Variants in VWA5A observed in about 807,000 individuals in gnomAD.
The protein encoded by VWA5A is von Willebrand factor A domain containing 5A.
Under a neutral mutation model 84.6 loss-of-function variants are expected in VWA5A, and 77 were observed. That is an observed-to-expected ratio of 0.91 (90% CI 0.76 to 1.10). VWA5A has a LOEUF of 1.10. VWA5A is among the 50% of genes least tolerant of loss of function. The pLI is 0.00. For missense variants in VWA5A, 973 were observed against 963.0 expected, an observed-to-expected ratio of 1.01 and a Z score of -0.14; for synonymous variants, 334 against 350.1, an observed-to-expected ratio of 0.95 and a Z score of 0.51.
Position 124,123,801 on chromosome 11 carries a change from A to T in VWA5A, c.1161A>T (p.Leu387=), listed in dbSNP as rs537674241. The change falls in exon 10 of 19, where the codon CTA becomes CTT. Residue 387 remains leucine (L), a synonymous_variant. Transcript: ENST00000456829. ...GACCCTCCATCCCAGGCCACCCCCTACAGGTAAGAAGTGGAACAGAGCTAA... is the reference window on the plus strand; with the variant it reads ...GACCCTCCATCCCAGGCCACCCCCTTCAGGTAAGAAGTGGAACAGAGCTAA... ...YRGPSIPGHP[L]QLFVFTDGEV... is the part of the protein sequence containing the mutation. 1 of 1,569,062 alleles carries T rather than the reference A, an allele frequency of 6.4e-7. No homozygotes were observed. The highest frequency in any genetic ancestry group is 2.2e-5 in the East Asian group (1 of 44,774).
chr11:124,146,041 T>G lies in VWA5A; in HGVS notation c.*96T>G. The G allele has an allele frequency of 7.7e-7, 1 of 1,294,470 alleles. No individual in the cohort carries two copies. Among genetic ancestry groups the G allele is most frequent in the South Asian group, 1.4e-5 (1 of 70,000 alleles). 80.2% of individuals were successfully genotyped at this position (1,294,470 alleles called of 1,614,324 possible). ...ATGATGTGTTCTTGTGTATTATAAC[T>G]CTTTATTTTTTGCCATAAAAGTAAA... On this transcript the variant is annotated 3_prime_UTR_variant, in exon 19 of 19. Transcript: ENST00000456829.
chr11:124,117,628 C>CA (rs1240268770), intron 3 of VWA5A, 45 bp from the exon 4 acceptor site: 1 of 1,613,990 alleles, frequency 6.2e-7, no homozygotes, highest in Non-Finnish European at 8.5e-7. Context: ...TACAAGGAGG[C>CA]AATCTATTGA....
intron 3 of VWA5A, 43 bp from the exon 4 acceptor site, chr11:124,117,630 A>AT: frequency 1.2e-6 from 2 of 1,614,124 alleles, no homozygotes; most frequent in East Asian, 4.5e-5. Flanking sequence ...CAAGGAGGCA[A>AT]TCTATTGAAG....
At chr11:124,137,772 C>G (rs1474642203) in intron 15 of VWA5A, among the ~76,000 whole-genome samples, 2 of 152,212 alleles carry the variant, frequency 1.3e-5, no homozygotes, top group African/African-American at 4.8e-5. Flanking sequence ...CCTCCACTCC[C>G]CTCTCCACCA....
intron 10 of VWA5A, among the ~76,000 whole-genome samples, chr11:124,124,014 A>G (rs1389808134): frequency 6.6e-6 from 1 of 152,152 alleles, no homozygotes; most frequent in African/African-American, 2.4e-5. Flanking sequence ...GAGTGCCACA[A>G]TAACTGAGAT....
chr11:124,130,690 A>T (rs556907354), intron 11 of VWA5A, among the ~76,000 whole-genome samples: 1 of 152,292 alleles, frequency 6.6e-6, no homozygotes, highest in African/African-American at 2.4e-5. Context: ...TATTTAGGAT[A>T]GTTAGCTCTT....
intron 15 of VWA5A, 32 bp downstream of exon 15, chr11:124,137,300 A>T: frequency 1.9e-6 from 3 of 1,594,916 alleles, no homozygotes; most frequent in African/African-American, 1.4e-5. Context: ...AAACTCATAT[A>T]GAATAAAAGA....
At chr11:124,120,341 G>A (rs2137629717) in intron 7 of VWA5A, among the ~76,000 whole-genome samples, 1 of 152,296 alleles carries the variant, frequency 6.6e-6, no homozygotes, top group Non-Finnish European at 1.5e-5. Flanking sequence ...GGTGACACAG[G>A]ACTGGAGTGC....
intron 10 of VWA5A, 120 bp downstream of exon 10, chr11:124,123,924 A>G (rs1864976055): frequency 7.5e-7 from 1 of 1,338,826 alleles, no homozygotes; most frequent in Non-Finnish European, 9.9e-7. Context: ...CTTCTATCAT[A>G]TAGTAAACAG....
chr11:124,129,705 TGGGGTGG>T lies in VWA5A; in HGVS notation c.1245-5208_1245-5202del, dbSNP rs757947846. Reference sequence around the variant, plus strand: ...ATTCGACTTCTTCCTGGTTTAGTCTTGGGGTGGGGGGTGTATGTGTCCAGGAATTTAT... The same window carrying T: ...ATTCGACTTCTTCCTGGTTTAGTCTTGGGGTGTATGTGTCCAGGAATTTAT... On this transcript the variant is annotated intron_variant, in intron 11 of 18. Coordinates refer to ENST00000456829, the MANE Select transcript of VWA5A (RefSeq NM_001130142.2). 2.0e-5 allele frequency among the ~76,000 whole-genome samples: 3 copies of T among 152,080 alleles called. No homozygotes were observed. In the East Asian group the frequency reaches 5.8e-4, roughly 29 times the overall value.
chr11:124,136,547 T>C, intron 13 of VWA5A, 27 bp from the exon 14 acceptor site: 2 of 1,604,078 alleles, frequency 1.2e-6, no homozygotes, highest in Non-Finnish European at 1.7e-6. Flanking sequence ...ACATGTTCCG[T>C]CATTTCTACT....
chr11:124,136,757 C>CCTCT, intron 14 of VWA5A, 83 bp downstream of exon 14: 1 of 712,686 alleles, frequency 1.4e-6, no homozygotes, highest in Non-Finnish European at 2.2e-6. Context: ...TCATTCCCTC[C>CCTCT]CTCCCTCCCT....
chr11:124,137,258 A>G lies in VWA5A; in HGVS notation c.1869A>G (p.Lys623=), dbSNP rs112662171. 484 of 1,614,048 alleles carry G rather than the reference A, an allele frequency of 3.0e-4. 6 individuals are homozygous for G. In the African/African-American group the frequency reaches 4.1e-3, roughly 14 times the overall value. The change falls in exon 15 of 19, where the codon AAA becomes AAG. Residue 623 remains lysine (K), a synonymous_variant. Coordinates refer to ENST00000456829, the MANE Select transcript of VWA5A (RefSeq NM_001130142.2). ...GTGCTTCTGCCCCATTGAAGATAAA[A>G]TGCCAATCAGGTAATGAGTTTTATT... ...LLGASAPLKI[K]CQSGFRKALH...
intron 11 of VWA5A, among the ~76,000 whole-genome samples, chr11:124,132,472 A>G (rs577259087): frequency 1.3e-4 from 20 of 152,128 alleles, no homozygotes; most frequent in African/African-American, 4.6e-4. Context: ...GTTTTGAACT[A>G]TTCATATTTT....
chr11:124,142,291 A>G (rs1285692825), intron 16 of VWA5A, 151 bp from the exon 17 acceptor site: 1 of 1,073,258 alleles, frequency 9.3e-7, no homozygotes, highest in African/African-American at 1.6e-5. Flanking sequence ...GTAGGGTTTG[A>G]AGACCGATCT....
Position 124,133,875 on chromosome 11 carries a change from C to T in VWA5A, c.1245-1045C>T, listed in dbSNP as rs73015624. ...TATTATCATCCACATGCAGCACTGT[C>T]GTGAGTTCTAGTTAGTCATCAATAT... On this transcript the variant is annotated intron_variant, in intron 11 of 18. Transcript: ENST00000456829. Among the ~76,000 whole-genome samples the T allele has an allele frequency of 7.4e-3, 1,125 of 152,240 alleles. 5 individuals are homozygous for T. Among genetic ancestry groups the T allele is most frequent in the Non-Finnish European group, 0.01 (681 of 68,018 alleles).
At position 124,129,127 on chromosome 11, in the gene VWA5A, T is replaced by C. The variant is rs540074050; in HGVS notation, c.1244+4811T>C. Among the ~76,000 whole-genome samples, 119 of 152,340 alleles carry C rather than the reference T, an allele frequency of 7.8e-4. 3 individuals carry two copies. In the South Asian group the frequency reaches 0.024, roughly 30 times the overall value. On this transcript the variant is annotated intron_variant, in intron 11 of 18. Transcript: ENST00000456829. ...ATATTGGCTGTGGGTTTGTCATAAA[T>C]AGCTCTTATTATTTTGAGATATGTT...
chr11:124,138,795 C>G (rs944171358), intron 15 of VWA5A, among the ~76,000 whole-genome samples: 1 of 152,118 alleles, frequency 6.6e-6, no homozygotes, highest in Non-Finnish European at 1.5e-5. Context: ...CCTCGTTTAT[C>G]TATTTTTTGC....
At chr11:124,128,090 G>T (rs1012543766) in intron 11 of VWA5A, among the ~76,000 whole-genome samples, 14 of 152,122 alleles carry the variant, frequency 9.2e-5, no homozygotes, top group Non-Finnish European at 1.6e-4. Context: ...ATTTGCCCAT[G>T]CCTATGTCCT....
Sources: allele counts gnomAD v4.1 joint callset (sites outside exome capture counted in the v4.1 genomes callset), GRCh38; gene constraint gnomAD v4.1.1; transcripts MANE v1.5; gene names NCBI Gene and HGNC (gene_info 2026-07-23, HGNC 2026-07-21).